Variants in IMPG1 observed in about 807,000 individuals in gnomAD.
The protein encoded by IMPG1 is interphotoreceptor matrix proteoglycan 1, also known as interphotoreceptor matrix proteoglycan of 150 kDa.
A neutral mutation model predicts 92.0 loss-of-function variants in IMPG1; 85 were observed. The ratio of observed to expected loss-of-function variants is 0.92; its 90% confidence interval spans 0.78 to 1.11. The LOEUF (loss-of-function observed/expected upper bound fraction) is 1.11, where lower values mean the gene tolerates loss of function less well. IMPG1 is among the 50% of genes least tolerant of loss of function. IMPG1 has a pLI of 0.00. For synonymous variants in IMPG1, 367 were observed against 334.1 expected, an observed-to-expected ratio of 1.10 and a Z score of -1.08; for missense variants, 1,022 against 956.0, an observed-to-expected ratio of 1.07 and a Z score of -0.91.
At position 75,986,251 on chromosome 6, in the gene IMPG1, C is replaced by T. The variant is rs76535817; in HGVS notation, c.1291+16667G>A. Among the ~76,000 whole-genome samples the T allele has an allele frequency of 6.0e-3, 920 of 152,200 alleles. 36 individuals are homozygous for T. In the East Asian group the frequency reaches 0.098, roughly 16 times the overall value. On this transcript the variant is annotated intron_variant, in intron 12 of 16. Coordinates refer to ENST00000369950, the MANE Select transcript of IMPG1 (RefSeq NM_001563.4). ...CTTACTTGCTTCACTCTAATCCCAG[C>T]CCTACTTGGGTGGTGCACGTTACAC... is the stretch of plus-strand genomic sequence containing the variant.
At chr6:75,983,973 AC>A (rs1381758584) in intron 12 of IMPG1, among the ~76,000 whole-genome samples, 1 of 152,212 alleles carries the variant, frequency 6.6e-6, no homozygotes, top group Admixed American at 6.5e-5. Context: ...GAACTGCTCA[AC>A]GTCATTAATC....
intron 5 of IMPG1, among the ~76,000 whole-genome samples, chr6:76,024,049 T>C (rs1783480610): frequency 6.6e-6 from 1 of 152,186 alleles, no homozygotes; most frequent in African/African-American, 2.4e-5. Context: ...GGGAATTAAC[T>C]ATGTAGCTCT....
intron 12 of IMPG1, among the ~76,000 whole-genome samples, chr6:75,985,302 C>T (rs1782695477): frequency 6.6e-6 from 1 of 152,050 alleles, no homozygotes; most frequent in Admixed American, 6.5e-5. Context: ...AAATGCTGCC[C>T]CTGGCAGAGA....
At chr6:75,923,236 T>C (rs1397874879) in intron 16 of IMPG1, among the ~76,000 whole-genome samples, 3 of 152,096 alleles carry the variant, frequency 2.0e-5, no homozygotes, top group Non-Finnish European at 2.9e-5. Flanking sequence ...ATGATGTTTC[T>C]TCATATTTTC....
At chr6:75,936,053 C>T (rs1781739047) in intron 14 of IMPG1, among the ~76,000 whole-genome samples, 1 of 152,214 alleles carries the variant, frequency 6.6e-6, no homozygotes. Context: ...ATGTTTGTAC[C>T]TTCAGAGAGA....
At position 75,932,902 on chromosome 6, in the gene IMPG1, T is replaced by C. The variant is rs111587936; in HGVS notation, c.2045-1751A>G. 5.2e-3 allele frequency among the ~76,000 whole-genome samples: 787 copies of C among 152,252 alleles called. 6 individuals carry two copies. Among genetic ancestry groups the C allele is most frequent in the Non-Finnish European group, 9.4e-3 (642 of 68,012 alleles). ...TTTTAGTAGAAACAGGGTTTCACCATGTTGGCCAGGCTGGTCTCGAACTCC... is the reference window on the plus strand; with the variant it reads ...TTTTAGTAGAAACAGGGTTTCACCACGTTGGCCAGGCTGGTCTCGAACTCC... On this transcript the variant is annotated intron_variant, in intron 14 of 16. Transcript: ENST00000369950.
chr6:76,014,992 C>G (rs1329084616), intron 7 of IMPG1, among the ~76,000 whole-genome samples: 2 of 152,172 alleles, frequency 1.3e-5, no homozygotes, highest in African/African-American at 4.8e-5. Context: ...TCATGGAGCA[C>G]TAACCACTAA....
At chr6:76,016,832 G>C (rs1783297938) in intron 7 of IMPG1, among the ~76,000 whole-genome samples, 1 of 152,176 alleles carries the variant, frequency 6.6e-6, no homozygotes, top group Non-Finnish European at 1.5e-5. Context: ...AGAAGGTTAG[G>C]CATCAGAGAT....
rs770641684 is a variant in IMPG1 at position 76,018,165 on chromosome 6, A to G, written c.807+553T>C. Among the ~76,000 whole-genome samples the G allele has an allele frequency of 2.5e-4, 38 of 152,176 alleles. 1 individual carries two copies. Among genetic ancestry groups the G allele is most frequent in the Non-Finnish European group, 4.7e-4 (32 of 68,024 alleles). On this transcript the variant is annotated intron_variant, in intron 7 of 16. Coordinates refer to ENST00000369950, the MANE Select transcript of IMPG1 (RefSeq NM_001563.4). ...TTGTGGAGAGTACCTAATCCCATAT[A>G]TACTACATTTTTTTTCCATACACAC...
At chr6:76,051,540 A>G (rs925165240) in intron 1 of IMPG1, among the ~76,000 whole-genome samples, 5 of 152,236 alleles carry the variant, frequency 3.3e-5, no homozygotes, top group African/African-American at 1.2e-4. Flanking sequence ...GTTGGAATAA[A>G]TGATGCAAAA....
At chr6:76,050,501 C>T (rs1025300456) in intron 1 of IMPG1, among the ~76,000 whole-genome samples, 1 of 152,166 alleles carries the variant, frequency 6.6e-6, no homozygotes, top group African/African-American at 2.4e-5. Context: ...AAAGCCAGCC[C>T]TTTGGTCAAA....
At chr6:76,067,747 A>G (rs943257465) in intron 1 of IMPG1, among the ~76,000 whole-genome samples, 2 of 152,142 alleles carry the variant, frequency 1.3e-5, no homozygotes, top group Non-Finnish European at 2.9e-5. Context: ...AAAGAAAACT[A>G]AAGACCAATA....
chr6:76,014,983 C>T (rs2149481022), intron 7 of IMPG1, among the ~76,000 whole-genome samples: 1 of 152,282 alleles, frequency 6.6e-6, no homozygotes, highest in East Asian at 1.9e-4. Context: ...ACCTTCTAGT[C>T]ATGGAGCACT....
At chr6:76,015,056 C>A (rs186799738) in intron 7 of IMPG1, among the ~76,000 whole-genome samples, 1 of 152,154 alleles carries the variant, frequency 6.6e-6, no homozygotes, top group Non-Finnish European at 1.5e-5. Context: ...TGCACAGGGG[C>A]CTCCCTGATT....
intron 9 of IMPG1, among the ~76,000 whole-genome samples, chr6:76,007,253 G>C (rs1464665018): frequency 6.6e-6 from 1 of 151,886 alleles, no homozygotes; most frequent in Non-Finnish European, 1.5e-5. Flanking sequence ...CTGTTCAGCT[G>C]ACCAAGGAAA....
At chr6:76,022,972 C>T (rs1783459603) in intron 5 of IMPG1, among the ~76,000 whole-genome samples, 1 of 152,070 alleles carries the variant, frequency 6.6e-6, no homozygotes, top group African/African-American at 2.4e-5. Flanking sequence ...TTTTAGAAAA[C>T]AAGATATACT....
At chr6:75,925,447 A>G (rs1029814877) in intron 15 of IMPG1, among the ~76,000 whole-genome samples, 1 of 152,036 alleles carries the variant, frequency 6.6e-6, no homozygotes, top group African/African-American at 2.4e-5. Flanking sequence ...ATTTATTACA[A>G]TTTCAGGGAA....
At chr6:76,012,641 G>A (rs1053509660) in intron 7 of IMPG1, among the ~76,000 whole-genome samples, 1 of 152,192 alleles carries the variant, frequency 6.6e-6, no homozygotes, top group African/African-American at 2.4e-5. Context: ...CAGGGTGAAA[G>A]GTGAAACTGA....
chr6:76,067,934 A>C (rs2127599088), intron 1 of IMPG1, among the ~76,000 whole-genome samples: 1 of 152,326 alleles, frequency 6.6e-6, no homozygotes, highest in African/African-American at 2.4e-5. Context: ...TAAAAACAAA[A>C]ACTATAAGAT....
Sources: allele counts gnomAD v4.1 joint callset (sites outside exome capture counted in the v4.1 genomes callset), GRCh38; gene constraint gnomAD v4.1.1; transcripts MANE v1.5; gene names NCBI Gene and HGNC (gene_info 2026-07-23, HGNC 2026-07-21).